Variants in PCNT observed in about 807,000 individuals in gnomAD.
The protein encoded by PCNT is pericentrin.
Under a neutral mutation model 380.4 loss-of-function variants are expected in PCNT, and 319 were observed. That is an observed-to-expected ratio of 0.84 (90% CI 0.77 to 0.92). The LOEUF (loss-of-function observed/expected upper bound fraction) is 0.92. Among genes scored for constraint, PCNT ranks in the 40% least tolerant of loss-of-function variants. The probability of loss-of-function intolerance (pLI) is 0.00; values close to 1 mark genes in which losing one functional copy is unlikely to be tolerated. For missense variants in PCNT, 4,400 were observed against 4,255.3 expected, an observed-to-expected ratio of 1.03 and a Z score of -0.95; for synonymous variants, 1,845 against 1,735.2, an observed-to-expected ratio of 1.06 and a Z score of -1.57.
chr21:46,357,039 G>T lies in PCNT; in HGVS notation c.2002G>T (p.Ala668Ser), dbSNP rs1477765487. ...CTTGGAGGCCGACACAGAGCGGGCA[G>T]CCAGAGTCTTGGGTCTGGAAACTGA... ...GDLEADTERA[A>S]RVLGLETEHK... Residue 668 changes from alanine (A) to serine (S), a missense_variant, in exon 13 of 47, where the codon GCC becomes TCC. Ala to Ser is a moderately conservative substitution (Grantham distance 99). Coordinates refer to ENST00000359568, the MANE Select transcript of PCNT (RefSeq NM_006031.6). 2 of 1,614,248 alleles carry T rather than the reference G, an allele frequency of 1.2e-6. No individual in the cohort carries two copies. The highest frequency in any genetic ancestry group is 1.7e-6 in the Non-Finnish European group (2 of 1,180,048).
In PCNT at chr21:46,432,082, C is replaced by T. The variant is rs2087788490; in HGVS notation, c.8618C>T (p.Ala2873Val). The change falls in exon 38 of 47, where the codon GCA (alanine) becomes GTA (valine). Residue 2873 changes from alanine to valine, a missense_variant. Coordinates refer to ENST00000359568, the MANE Select transcript of PCNT (RefSeq NM_006031.6). ...REREKPAWLQ[A>V]ELEQSHPRLK... Reference sequence around the variant, plus strand: ...AGGGAGAAACCAGCGTGGTTGCAGGCAGAATTAGAGCAGTCACACCCACGG... The same window carrying T: ...AGGGAGAAACCAGCGTGGTTGCAGGTAGAATTAGAGCAGTCACACCCACGG... 6.2e-7 allele frequency: 1 copy of T among 1,613,930 alleles called. No homozygotes were observed. The highest frequency in any genetic ancestry group is 8.5e-7 in the Non-Finnish European group (1 of 1,180,048).
chr21:46,430,339 G>C, intron 36 of PCNT, 107 bp downstream of exon 36: 1 of 1,383,806 alleles, frequency 7.2e-7, no homozygotes, highest in Non-Finnish European at 1.0e-6. Flanking sequence ...CAGTTGGGCA[G>C]CCCCAGGGGC....
chr21:46,430,126 C>G lies in PCNT; in HGVS notation c.7807C>G (p.Gln2603Glu). Reference protein sequence around the residue: ...NSVQKLLAAEQTVVRDLKSDL... With the variant: ...NSVQKLLAAEETVVRDLKSDL... ...CGTGCAGAAGCTCCTGGCGGCGGAG[C>G]AGACTGTAGTGCGAGATTTGAAGTC... Residue 2603 changes from glutamine to glutamate, a missense_variant, in exon 36 of 47, where the codon CAG (glutamine) becomes GAG (glutamate). Transcript: ENST00000359568. The G allele has an allele frequency of 6.2e-7, 1 of 1,614,192 alleles. No individual in the cohort carries two copies. Among genetic ancestry groups the G allele is most frequent in the Non-Finnish European group, 8.5e-7 (1 of 1,180,020 alleles).
At chr21:46,405,007 G>A (rs2086581838) in intron 27 of PCNT, among the ~76,000 whole-genome samples, 1 of 152,196 alleles carries the variant, frequency 6.6e-6, no homozygotes, top group African/African-American at 2.4e-5. Context: ...GGGAACCTGA[G>A]GTGGGAGGAT....
chr21:46,363,938 G>T lies in PCNT; in HGVS notation c.2609+4G>T. The T allele has an allele frequency of 2.5e-6, 4 of 1,604,004 alleles. No homozygotes were observed. Among genetic ancestry groups the T allele is most frequent in the Non-Finnish European group, 3.4e-6 (4 of 1,179,588 alleles). Reference sequence around the variant, plus strand: ...AGCTGATGCTGGCCCGGAGCAGGTGGGTTTGCAGTGACGCCATCTGCAGTC... The same window carrying T: ...AGCTGATGCTGGCCCGGAGCAGGTGTGTTTGCAGTGACGCCATCTGCAGTC... On this transcript the variant is annotated splice_donor_region_variant and intron_variant, in intron 14 of 46. Transcript: ENST00000359568.
intron 4 of PCNT, 100 bp from the exon 5 acceptor site, chr21:46,346,643 C>A: frequency 7.1e-7 from 1 of 1,414,334 alleles, no homozygotes; most frequent in Non-Finnish European, 9.7e-7. Flanking sequence ...GTTTCATTTT[C>A]TGTGTCTTCC....
intron 1 of PCNT, chr21:46,324,980 G>C: frequency 1.2e-6 from 1 of 832,314 alleles, no homozygotes; most frequent in East Asian, 2.8e-4. Flanking sequence ...GCCCGTCCGG[G>C]CCTGGCGTAC....
At position 46,334,466 on chromosome 21, in the gene PCNT, C is replaced by A. The variant is rs1403849643; in HGVS notation, c.337C>A (p.Pro113Thr). 11 of 1,614,100 alleles carry A rather than the reference C, an allele frequency of 6.8e-6. No homozygotes were observed. The highest frequency in any genetic ancestry group is 1.1e-5 in the South Asian group (1 of 91,088). The change falls in exon 3 of 47, where the codon CCT (proline) becomes ACT (threonine). Residue 113 changes from proline (P) to threonine (T), a missense_variant. Coordinates refer to ENST00000359568, the MANE Select transcript of PCNT (RefSeq NM_006031.6). ...QLQQKQVNDHPPEQCGMFTVS... is the reference protein window; with the variant it reads ...QLQQKQVNDHTPEQCGMFTVS... Reference sequence around the variant, plus strand: ...GCAGCAGAAGCAAGTCAATGACCATCCTCCAGAGCAGTGTGGGATGTTCAC... The same window carrying A: ...GCAGCAGAAGCAAGTCAATGACCATACTCCAGAGCAGTGTGGGATGTTCAC...
chr21:46,441,719 C>A (rs910020184), intron 43 of PCNT, among the ~76,000 whole-genome samples: 1 of 152,118 alleles, frequency 6.6e-6, no homozygotes, highest in Non-Finnish European at 1.5e-5. Context: ...GGGGAGAACA[C>A]CCTGCAGGAG....
At chr21:46,427,816 C>T (rs908349999) in intron 34 of PCNT, 21 bp downstream of exon 34, 1 of 1,612,496 alleles carries the variant, frequency 6.2e-7, no homozygotes, top group Admixed American at 1.7e-5. Flanking sequence ...GCTCTGCCAC[C>T]AGGCCTCAGT....
Position 46,382,601 on chromosome 21 carries a change from GTGT to G in PCNT, c.3312+765_3312+767del, listed in dbSNP as rs1417340233. 2.1e-4 allele frequency among the ~76,000 whole-genome samples: 30 copies of G among 141,164 alleles called. 3 individuals carry two copies. Among genetic ancestry groups the G allele is most frequent in the Non-Finnish European group, 3.6e-4 (24 of 65,758 alleles). The allele number at this position is 141,164 out of a possible 152,430, so 92.6% of individuals were successfully genotyped here. ...ATTCAGTGGCGGAAGCGCATTCACGGTGTTGTGCATTCAGTGGCGGAAGCGCAT... is the reference window on the plus strand; with the variant it reads ...ATTCAGTGGCGGAAGCGCATTCACGGTGTGCATTCAGTGGCGGAAGCGCAT... On this transcript the variant is annotated intron_variant, in intron 16 of 46. Transcript: ENST00000359568.
At position 46,414,407 on chromosome 21, in the gene PCNT, A is replaced by T. The variant is rs567336060; in HGVS notation, c.6150+1415A>T. ...TTCTCCTCCTTCTCCTCTGGGACAC[A>T]CATCTGTCCACCCTCCTCCTCCTCC... On this transcript the variant is annotated intron_variant, in intron 29 of 46. Transcript: ENST00000359568. 2.0e-5 allele frequency among the ~76,000 whole-genome samples: 3 copies of T among 146,918 alleles called. No homozygotes were observed. The East Asian group carries it at 6.2e-4, about 30-fold the overall frequency.
chr21:46,334,204 CA>C (rs35021942), intron 2 of PCNT, among the ~76,000 whole-genome samples, 192 bp from the exon 3 acceptor site: 22,752 of 96,888 alleles, frequency 0.23, 2,765 homozygotes, highest in African/African-American at 0.44. Context: ...GACTCCGTCT[CA>C]AAAAAAAAAA....
chr21:46,442,484 C>CT lies in PCNT; in HGVS notation c.9624-5dup, dbSNP rs762854621. ...CCGTACTTTTAAGTGTGTCTTGTCT[C>CT]TTTTTTTTGTAGATTACGTTTTTTG... On this transcript the variant is annotated splice_polypyrimidine_tract_variant and intron_variant, in intron 43 of 46. Transcript: ENST00000359568. 1.1e-4 allele frequency: 173 copies of CT among 1,560,444 alleles called. No homozygotes were observed. Among genetic ancestry groups the CT allele is most frequent in the Non-Finnish European group, 1.3e-4 (151 of 1,131,870 alleles).
chr21:46,375,175 G>A (rs550142691), intron 15 of PCNT, among the ~76,000 whole-genome samples: 33 of 152,024 alleles, frequency 2.2e-4, no homozygotes, highest in Non-Finnish European at 3.7e-4. Flanking sequence ...GCCCTGCCCC[G>A]CCTGTGCTGG....
At position 46,445,274 on chromosome 21, in the gene PCNT, T is replaced by G; in HGVS notation, c.9968-10T>G. On this transcript the variant is annotated splice_polypyrimidine_tract_variant and intron_variant, in intron 46 of 46. Coordinates refer to ENST00000359568, the MANE Select transcript of PCNT (RefSeq NM_006031.6). ...AACCAATTTGCTGCCTCATTTTTATTTATATGCAGATTCTACTTCAAAGAA... is the reference window on the plus strand; with the variant it reads ...AACCAATTTGCTGCCTCATTTTTATGTATATGCAGATTCTACTTCAAAGAA... 1 of 1,598,636 alleles carries G rather than the reference T, an allele frequency of 6.3e-7. No individual in the cohort carries two copies. The highest frequency in any genetic ancestry group is 8.6e-7 in the Non-Finnish European group (1 of 1,165,808).
chr21:46,387,130 C>T (rs1369319894), intron 17 of PCNT, among the ~76,000 whole-genome samples: 10 of 152,198 alleles, frequency 6.6e-5, no homozygotes, highest in Non-Finnish European at 1.0e-4. Context: ...ACCCAGGGTC[C>T]GGAGACCAGG....
At position 46,444,825 on chromosome 21, in the gene PCNT, A is replaced by C. The variant is rs770200646; in HGVS notation, c.9967+4A>C. On this transcript the variant is annotated splice_donor_region_variant and intron_variant, in intron 46 of 46. Transcript: ENST00000359568. ...AGATTGGGAGGGGTACTACCAGGTA[A>C]TGCAAGTCCTCGCCGAGTATTTATT... The C allele has an allele frequency of 6.2e-7, 1 of 1,613,016 alleles. No individual in the cohort carries two copies. Among genetic ancestry groups the C allele is most frequent in the Non-Finnish European group, 8.5e-7 (1 of 1,179,020 alleles).
chr21:46,393,111 G>A (rs1266507450), intron 21 of PCNT, among the ~76,000 whole-genome samples: 1 of 152,130 alleles, frequency 6.6e-6, no homozygotes, highest in Non-Finnish European at 1.5e-5. Flanking sequence ...GGCTCAGGGC[G>A]GCGTCATCTC....
Sources: gnomAD v4.1 joint callset for allele counts (sites outside exome capture counted in the v4.1 genomes callset) on GRCh38, gnomAD v4.1.1 for gene constraint, MANE v1.5 for transcripts, NCBI Gene and HGNC (gene_info 2026-07-23, HGNC 2026-07-21) for gene names.